Variants in EYS observed in about 807,000 individuals in gnomAD.
The protein encoded by EYS is EGF-like photoreceptor maintenance factor, also known as protein eyes shut homolog.
In EYS, 250 loss-of-function variants were observed where a neutral mutation model predicts 282.1. The ratio of observed to expected loss-of-function variants is 0.89; its 90% CI spans 0.80 to 0.98. The LOEUF (loss-of-function observed/expected upper bound fraction) is 0.98. Among genes scored for constraint, EYS ranks in the 50% least tolerant of loss-of-function variants. The pLI is 0.00. For synonymous variants in EYS, 1,355 were observed against 1,282.9 expected (o/e 1.06, Z -1.20); for missense variants, 4,016 against 3,709.0 (o/e 1.08, Z -2.15).
At chr6:64,313,802 C>G (rs916603250) in intron 29 of EYS, among the ~76,000 whole-genome samples, 2 of 152,124 alleles carry the variant, frequency 1.3e-5, no homozygotes, top group Non-Finnish European at 2.9e-5. Flanking sequence ...AAATTCATTA[C>G]AGACAAGCAA....
chr6:63,743,225 A>G (rs1769128617), intron 41 of EYS, among the ~76,000 whole-genome samples: 1 of 152,190 alleles, frequency 6.6e-6, no homozygotes. Context: ...TTGTGGGTAT[A>G]CATTATACTT....
rs1297203205 is a variant in EYS at position 65,047,276 on chromosome 6, C to A, written c.2137+10338G>T. ...TCAAATAACTCCCTCAAATTTCTACCAGTAAAACCTCTAGTCTTACCTATA... is the reference window on the plus strand; with the variant it reads ...TCAAATAACTCCCTCAAATTTCTACAAGTAAAACCTCTAGTCTTACCTATA... On this transcript the variant is annotated intron_variant, in intron 13 of 42. Transcript: ENST00000503581. Among the ~76,000 whole-genome samples, 4 of 151,734 alleles carry A rather than the reference C, an allele frequency of 2.6e-5. No homozygotes were observed. In the East Asian group the frequency reaches 5.9e-4, roughly 22 times the overall value.
At chr6:64,956,917 G>A (rs1158626430) in intron 14 of EYS, among the ~76,000 whole-genome samples, 2 of 151,946 alleles carry the variant, frequency 1.3e-5, no homozygotes, top group Non-Finnish European at 2.9e-5. Context: ...TCCAAAAGAC[G>A]CAACAACAAA....
chr6:65,135,875 T>C (rs1776010877), intron 12 of EYS, among the ~76,000 whole-genome samples: 1 of 152,042 alleles, frequency 6.6e-6, no homozygotes, highest in Admixed American at 6.6e-5. Context: ...TACTCTAAAA[T>C]TGGATTTAAC....
At chr6:65,508,956 T>A (rs1305631880) in intron 2 of EYS, among the ~76,000 whole-genome samples, 1 of 152,154 alleles carries the variant, frequency 6.6e-6, no homozygotes, top group African/African-American at 2.4e-5. Context: ...CCTCTGAAAG[T>A]GTGGGGACCT....
intron 22 of EYS, among the ~76,000 whole-genome samples, chr6:64,739,416 T>A (rs916626839): frequency 6.6e-6 from 1 of 152,134 alleles, no homozygotes; most frequent in Non-Finnish European, 1.5e-5. Context: ...AAACTGCAGG[T>A]TTTTCTTTAA....
chr6:65,133,651 C>T (rs1195135627), intron 12 of EYS, among the ~76,000 whole-genome samples: 1 of 152,014 alleles, frequency 6.6e-6, no homozygotes. Context: ...AAATGTAAAA[C>T]CTAAAACTAA....
Position 65,584,897 on chromosome 6 carries a change from T to TTTTA in EYS, c.-333+54880_-333+54881insTAAA, listed in dbSNP as rs1554213682. ...TAGCACTATGGGAATATTATATATA[T>TTTTA]TATATATATATATAACATTTTTCAT... is the stretch of plus-strand genomic sequence containing the variant. On this transcript the variant is annotated intron_variant, in intron 2 of 42. Coordinates refer to ENST00000503581, the MANE Select transcript of EYS (RefSeq NM_001142800.2). Among the ~76,000 whole-genome samples the TTTTA allele has an allele frequency of 2.5e-4, 22 of 89,698 alleles. No homozygotes were observed. In the East Asian group the frequency reaches 6.4e-3, roughly 26 times the overall value. The allele number at this position is 89,698 out of a possible 152,430, so 58.8% of individuals were successfully genotyped here.
At chr6:63,972,470 G>A (rs568626791) in intron 35 of EYS, among the ~76,000 whole-genome samples, 1 of 152,292 alleles carries the variant, frequency 6.6e-6, no homozygotes, top group South Asian at 2.1e-4. Flanking sequence ...ATTTTTATAT[G>A]TAGCCTAGTC....
intron 12 of EYS, among the ~76,000 whole-genome samples, chr6:65,214,598 A>C (rs1478826015): frequency 6.6e-6 from 1 of 152,246 alleles, no homozygotes; most frequent in Non-Finnish European, 1.5e-5. Flanking sequence ...GCTATCCAGG[A>C]AAACTACCTG....
At chr6:65,035,150 T>C (rs1002060027) in intron 13 of EYS, among the ~76,000 whole-genome samples, 1 of 152,062 alleles carries the variant, frequency 6.6e-6, no homozygotes, top group Non-Finnish European at 1.5e-5. Flanking sequence ...AGGCTTTCAA[T>C]AACACTCATC....
At chr6:64,539,401 G>T (rs1472892262) in intron 26 of EYS, among the ~76,000 whole-genome samples, 1 of 151,912 alleles carries the variant, frequency 6.6e-6, no homozygotes, top group African/African-American at 2.4e-5. Flanking sequence ...CCTGTCTCTA[G>T]AAAAATAAAA....
At chr6:64,727,427 T>C (rs1479647754) in intron 22 of EYS, among the ~76,000 whole-genome samples, 2 of 152,196 alleles carry the variant, frequency 1.3e-5, no homozygotes, top group East Asian at 3.9e-4. Flanking sequence ...TGTTTACAAG[T>C]TTACTCATGA....
intron 35 of EYS, among the ~76,000 whole-genome samples, chr6:63,880,383 C>T (rs1581927828): frequency 6.6e-6 from 1 of 151,864 alleles, no homozygotes; most frequent in Non-Finnish European, 1.5e-5. Context: ...CCTTGCTCCT[C>T]AAGCTTGCAG....
chr6:64,590,467 T>C lies in EYS; in HGVS notation c.5400A>G (p.Pro1800=), dbSNP rs754986529. The C allele has an allele frequency of 4.5e-6, 7 of 1,551,430 alleles. No homozygotes were observed. The South Asian group carries it at 8.3e-5, about 18-fold the overall frequency. ...AGGAAGACGTCTGTATTGAAAGTGC[T>C]GGAGTTGCTGAAACTGTATAAAATG... ...NVAFYTVSAT[P]ALSIQTSSSM... is the part of the protein sequence containing the mutation. Residue 1800 remains proline, a synonymous_variant, in exon 26 of 43, where the codon CCA becomes CCG. Coordinates refer to ENST00000503581, the MANE Select transcript of EYS (RefSeq NM_001142800.2).
intron 12 of EYS, among the ~76,000 whole-genome samples, chr6:65,102,342 T>C (rs1183786442): frequency 6.6e-6 from 1 of 151,376 alleles, no homozygotes; most frequent in Non-Finnish European, 1.5e-5. Context: ...CATTATGCAT[T>C]GTCATATTTA....
intron 33 of EYS, among the ~76,000 whole-genome samples, chr6:64,061,208 G>T (rs1771155253): frequency 6.6e-6 from 1 of 152,138 alleles, no homozygotes; most frequent in Non-Finnish European, 1.5e-5. Flanking sequence ...AGGACACAGG[G>T]CTTTTTTAGA....
intron 1 of EYS, among the ~76,000 whole-genome samples, chr6:65,679,478 C>T (rs925922199): frequency 4.0e-5 from 6 of 151,616 alleles, no homozygotes; most frequent in African/African-American, 1.5e-4. Context: ...TTATGAGTCA[C>T]CAAAAAATAG....
intron 2 of EYS, among the ~76,000 whole-genome samples, chr6:65,577,739 A>C (rs1412428648): frequency 8.3e-6 from 1 of 120,266 alleles, no homozygotes; most frequent in Non-Finnish European, 1.8e-5. Flanking sequence ...AATAATAATA[A>C]AAGCCTGTTT....
Sources: allele counts gnomAD v4.1 joint callset (sites outside exome capture counted in the v4.1 genomes callset), GRCh38; gene constraint gnomAD v4.1.1; transcripts MANE v1.5; gene names NCBI Gene and HGNC (gene_info 2026-07-23, HGNC 2026-07-21).